ANGPTL2: variants seen among roughly 807,000 people sequenced by gnomAD.
ANGPTL2 encodes angiopoietin like 2.
A neutral mutation model predicts 52.8 loss-of-function variants in ANGPTL2; 25 were observed. The observed-to-expected ratio is 0.47, with a 90% CI of 0.35 to 0.66. The LOEUF is 0.66. Ranked by LOEUF, ANGPTL2 falls within the 30% of genes least tolerant of loss-of-function variation. ANGPTL2 has a pLI of 0.01. For missense variants in ANGPTL2, 546 were observed against 656.9 expected (o/e 0.83, Z 1.84); for synonymous variants, 276 against 277.4 (o/e 1.00, Z 0.05).
Position 127,122,532 on chromosome 9 carries a change from A to T in ANGPTL2, c.-267T>A, listed in dbSNP as rs1439186849. ...CCAGGGGTCCTGCGGGGCTGCTCAC[A>T]ACCTTCTTTCCCTCACAGTAGCGTC... On this transcript the variant is annotated 5_prime_UTR_variant, in exon 1 of 5. Transcript: ENST00000373425. The surrounding 1 kb of genome is among the most constrained non-coding windows in gnomAD (Gnocchi z 6.4). 1 of 153,026 alleles carries T rather than the reference A, an allele frequency of 6.5e-6. No individual in the cohort carries two copies. The highest frequency in any genetic ancestry group is 2.4e-5 in the African/African-American group (1 of 41,412). 9.5% of individuals were successfully genotyped at this position (153,026 alleles called of 1,614,324 possible).
intron 2 of ANGPTL2, among the ~76,000 whole-genome samples, chr9:127,100,889 G>A (rs11795066): frequency 0.31 from 47,842 of 152,116 alleles, 9,595 homozygotes; most frequent in Non-Finnish European, 0.42. Context: ...AAATGCTCAC[G>A]AACCCTTTGT....
intron 1 of ANGPTL2, among the ~76,000 whole-genome samples, chr9:127,120,775 C>T (rs983289229): frequency 1.3e-5 from 2 of 151,910 alleles, no homozygotes; most frequent in African/African-American, 4.8e-5. Flanking sequence ...TTGCAGTGAG[C>T]CGAGATCATG....
intron 1 of ANGPTL2, among the ~76,000 whole-genome samples, chr9:127,119,522 G>C (rs1422450739): frequency 6.6e-6 from 1 of 152,216 alleles, no homozygotes; most frequent in Non-Finnish European, 1.5e-5. Context: ...GTGACTTTGG[G>C]CAAGTTAACC....
rs755618795 is a variant in ANGPTL2, at chr9:127,108,194, C to T, written c.538G>A (p.Glu180Lys). 1.2e-6 allele frequency: 2 copies of T among 1,614,098 alleles called. No individual in the cohort carries two copies. The highest frequency in any genetic ancestry group is 2.2e-5 in the South Asian group (2 of 91,076). The change falls in exon 2 of 5, where the codon GAG becomes AAG. Residue 180 changes from glutamate to lysine, a missense_variant. Physicochemically the swap from Glu to Lys is moderately conservative, Grantham distance 56. Coordinates refer to ENST00000373425, the MANE Select transcript of ANGPTL2 (RefSeq NM_012098.3). ...LQLASKYKDL[E>K]HKYQHLATLA... ...GTGGCCAGGTGCTGGTACTTGTGCT[C>T]CAGGTCCTTGTACTTGCTGGCCAGC...
chr9:127,121,963 C>T (rs1028135306), intron 1 of ANGPTL2, among the ~76,000 whole-genome samples: 3 of 152,234 alleles, frequency 2.0e-5, no homozygotes, highest in South Asian at 2.1e-4. Flanking sequence ...CTCTTCAGTA[C>T]GCTGCCCTCT....
At chr9:127,115,141 C>G (rs2055265438) in intron 1 of ANGPTL2, among the ~76,000 whole-genome samples, 1 of 152,178 alleles carries the variant, frequency 6.6e-6, no homozygotes, top group South Asian at 2.1e-4. Flanking sequence ...GGGGACCATA[C>G]ATCCTGGTTG....
chr9:127,121,623 T>C lies in ANGPTL2; in HGVS notation c.-50+692A>G, dbSNP rs149974212. Among the ~76,000 whole-genome samples, 717 of 152,340 alleles carry C rather than the reference T, an allele frequency of 4.7e-3. 8 individuals are homozygous for C. The highest frequency in any genetic ancestry group is 0.016 in the African/African-American group (673 of 41,596). ...GAGTGCTTTCAGGCGACTTGGTATG[T>C]GGAGCCCCTGCTGTCCCCTTGCGGG... On this transcript the variant is annotated intron_variant, in intron 1 of 4. Transcript: ENST00000373425.
At chr9:127,117,450 A>G (rs1018345466) in intron 1 of ANGPTL2, among the ~76,000 whole-genome samples, 3 of 152,252 alleles carry the variant, frequency 2.0e-5, no homozygotes, top group Non-Finnish European at 4.4e-5. Context: ...CCACTGTGCC[A>G]GCGGCTGGAG....
chr9:127,109,704 A>G (rs2054606374), intron 1 of ANGPTL2, among the ~76,000 whole-genome samples: 1 of 152,250 alleles, frequency 6.6e-6, no homozygotes, highest in Non-Finnish European at 1.5e-5. Context: ...GCTAGTGGCT[A>G]GGGATACAGC....
rs2054484846 is a variant in ANGPTL2 at position 127,108,533 on chromosome 9, C to T, written c.199G>A (p.Gly67Ser). 1 of 1,613,098 alleles carries T rather than the reference C, an allele frequency of 6.2e-7. No homozygotes were observed. The highest frequency in any genetic ancestry group is 8.5e-7 in the Non-Finnish European group (1 of 1,179,778). ...TCCTTGGAGTTGACGCAGATGGCAC[C>T]CGTGACCCGCTGCTGGGGCACAATG... ...TFIVPQQRVT[G>S]AICVNSKEPE... The change falls in exon 2 of 5, where the codon GGT (glycine) becomes AGT (serine). Residue 67 changes from glycine to serine, a missense_variant. Transcript: ENST00000373425.
At chr9:127,118,047 A>G (rs1286650048) in intron 1 of ANGPTL2, among the ~76,000 whole-genome samples, 1 of 152,168 alleles carries the variant, frequency 6.6e-6, no homozygotes, top group East Asian at 1.9e-4. Context: ...CTGGCTCCCC[A>G]CACCCAACAT....
Position 127,091,563 on chromosome 9 carries a change from T to C in ANGPTL2, c.1282+107A>G, listed in dbSNP as rs2052476538. The C allele has an allele frequency of 5.5e-6, 8 of 1,464,774 alleles. No homozygotes were observed. Among genetic ancestry groups the C allele is most frequent in the Admixed American group, 4.1e-5 (2 of 48,884 alleles). The allele number at this position is 1,464,774 out of a possible 1,614,324, so 90.7% of individuals were successfully genotyped here. ...GGGTCAGGCAGCTTGGCCCAGCTGCTTCTCACCCTGGGATCTTCCCGTTTC... is the reference window on the plus strand; with the variant it reads ...GGGTCAGGCAGCTTGGCCCAGCTGCCTCTCACCCTGGGATCTTCCCGTTTC... On this transcript the variant is annotated intron_variant, in intron 4 of 4. Coordinates refer to ENST00000373425, the MANE Select transcript of ANGPTL2 (RefSeq NM_012098.3). This position sits in a 1 kb window ranked among gnomAD's most constrained non-coding sequence, Gnocchi z 4.3.
chr9:127,093,944 C>T lies in ANGPTL2; in HGVS notation c.818-18G>A. The T allele has an allele frequency of 6.2e-7, 1 of 1,611,350 alleles. No individual in the cohort carries two copies. Among genetic ancestry groups the T allele is most frequent in the Non-Finnish European group, 8.5e-7 (1 of 1,179,088 alleles). On this transcript the variant is annotated intron_variant, in intron 2 of 4. Coordinates refer to ENST00000373425, the MANE Select transcript of ANGPTL2 (RefSeq NM_012098.3). ...CCATGGGCCTGGGGACACAGACATG[C>T]ATATACATCACAGACCTGCCTGTCA...
chr9:127,115,163 GGTCTGTT>G (rs1288880092), intron 1 of ANGPTL2, among the ~76,000 whole-genome samples: 1 of 152,012 alleles, frequency 6.6e-6, no homozygotes, highest in Admixed American at 6.6e-5. Context: ...CCCCAGTTGA[GGTCTGTT>G]GTCTTACGTA....
chr9:127,121,778 G>C (rs1010243745), intron 1 of ANGPTL2, among the ~76,000 whole-genome samples: 1 of 152,170 alleles, frequency 6.6e-6, no homozygotes, highest in Non-Finnish European at 1.5e-5. Context: ...TGCTCTCCTC[G>C]CCAGCTGGAG....
At chr9:127,102,808 G>A (rs776140552) in intron 2 of ANGPTL2, among the ~76,000 whole-genome samples, 7 of 152,236 alleles carry the variant, frequency 4.6e-5, no homozygotes, top group Non-Finnish European at 2.9e-5. Context: ...TGCTCTTTGA[G>A]AAATCACTGG....
chr9:127,117,101 T>G (rs1364569899), intron 1 of ANGPTL2, among the ~76,000 whole-genome samples: 1 of 152,264 alleles, frequency 6.6e-6, no homozygotes, highest in African/African-American at 2.4e-5. Flanking sequence ...TGCCTTTGCA[T>G]GTGCTGTGCT....
Position 127,108,501 on chromosome 9 carries a change from C to T in ANGPTL2, c.231G>A (p.Glu77=). The T allele has an allele frequency of 6.2e-7, 1 of 1,612,938 alleles. No individual in the cohort carries two copies. The highest frequency in any genetic ancestry group is 2.2e-5 in the East Asian group (1 of 44,806). ...TATGCACTCGGTTCTCCAGAAGCAC[C>T]TCAGGCTCCTTGGAGTTGACGCAGA... is the stretch of plus-strand genomic sequence containing the variant. The part of the protein sequence containing the change: ...GAICVNSKEP[E]VLLENRVHKQ... Residue 77 remains glutamate, a synonymous_variant, in exon 2 of 5, where the codon GAG becomes GAA. Transcript: ENST00000373425.
At chr9:127,100,508 G>A (rs1177515151) in intron 2 of ANGPTL2, among the ~76,000 whole-genome samples, 1 of 152,202 alleles carries the variant, frequency 6.6e-6, no homozygotes, top group African/African-American at 2.4e-5. Flanking sequence ...TTAAAAAAGA[G>A]TTTAGAAGGG....
Sources: allele counts gnomAD v4.1 joint callset (sites outside exome capture counted in the v4.1 genomes callset), GRCh38; gene constraint gnomAD v4.1.1; non-coding constraint Gnocchi (gnomAD v3.1); transcripts MANE v1.5; gene names NCBI Gene and HGNC (gene_info 2026-07-23, HGNC 2026-07-21).